Variants in HECTD4 observed in about 807,000 individuals in gnomAD.
HECTD4 encodes the protein probable E3 ubiquitin-protein ligase HECTD4.
Under a neutral mutation model 471.5 loss-of-function variants are expected in HECTD4, and 114 were observed. The ratio of observed to expected loss-of-function variants is 0.24; its 90% CI spans 0.21 to 0.28. The LOEUF (loss-of-function observed/expected upper bound fraction) is 0.28. HECTD4 is among the 10% of genes least tolerant of loss of function. HECTD4 has a pLI of 1.00. For synonymous variants in HECTD4, 2,012 were observed against 2,256.0 expected (o/e 0.89, Z 3.07); for missense variants, 3,866 against 5,651.5 (o/e 0.68, Z 10.13).
At chr12:112,165,690 G>A (rs1389753109) in intron 72 of HECTD4, among the ~76,000 whole-genome samples, 1 of 152,208 alleles carries the variant, frequency 6.6e-6, no homozygotes, top group Non-Finnish European at 1.5e-5. Context: ...TCTAAAGCTT[G>A]TTGGAGTTGG....
At chr12:112,249,766 G>A (rs1202922761) in intron 25 of HECTD4, 1 of 243,102 alleles carries the variant, frequency 4.1e-6, no homozygotes, top group East Asian at 1.1e-4. Flanking sequence ...GTAAAGTAGA[G>A]GCTGACTGCT....
chr12:112,352,774 T>C (rs1349637370), intron 1 of HECTD4, among the ~76,000 whole-genome samples: 2 of 151,810 alleles, frequency 1.3e-5, no homozygotes, highest in African/African-American at 2.4e-5. Context: ...GCCCAGCTAG[T>C]TTTTTGATTT....
intron 1 of HECTD4, among the ~76,000 whole-genome samples, chr12:112,369,327 A>T (rs1412120902): frequency 6.6e-6 from 1 of 151,236 alleles, no homozygotes; most frequent in Non-Finnish European, 1.5e-5. Context: ...CTTATTAAGC[A>T]AACCTAGGAT....
rs1256597672 is a variant in HECTD4 at position 112,239,995 on chromosome 12, T to C, written c.4991A>G (p.Glu1664Gly). 8 of 1,613,844 alleles carry C rather than the reference T, an allele frequency of 5.0e-6. No individual in the cohort carries two copies. Among genetic ancestry groups the C allele is most frequent in the African/African-American group, 2.7e-5 (2 of 74,920 alleles). ...IEELTCGGMV[E>G]QVQEAFGETM... Reference sequence around the variant, plus strand: ...CTCGCCAAAGGCTTCCTGGACCTGCTCGACCATCCCACCACATGTGAGTTC... The same window carrying C: ...CTCGCCAAAGGCTTCCTGGACCTGCCCGACCATCCCACCACATGTGAGTTC... The change falls in exon 33 of 76, where the codon GAG (glutamate) becomes GGG (glycine). Residue 1664 changes from glutamate (E) to glycine (G), a missense_variant. This residue lies in a region of HECTD4 where 229 missense variants were observed against 386.4 expected (regional missense o/e 0.59). Transcript: ENST00000682272. The surrounding 1 kb of genome is among the most constrained non-coding windows in gnomAD (Gnocchi z 4.9).
chr12:112,190,793 C>T lies in HECTD4; in HGVS notation c.9465G>A (p.Glu3155=), dbSNP rs1333284090. The T allele has an allele frequency of 6.3e-7, 1 of 1,581,136 alleles. No homozygotes were observed. The highest frequency in any genetic ancestry group is 1.8e-5 in the Admixed American group (1 of 56,018). Reference sequence around the variant, plus strand: ...CAGGGAAGGCAGCCTCACCTAGCAGCTCCACCACCTGCAGGAGGACGGATG... The same window carrying T: ...CAGGGAAGGCAGCCTCACCTAGCAGTTCCACCACCTGCAGGAGGACGGATG... ...IPTSVLLQVV[E]LLGNFLWTTD... is the part of the protein sequence containing the mutation. The change falls in exon 60 of 76, where the codon GAG becomes GAA. Residue 3155 remains glutamate, a synonymous_variant. Coordinates refer to ENST00000682272, the MANE Select transcript of HECTD4 (RefSeq NM_001388303.1).
intron 7 of HECTD4, among the ~76,000 whole-genome samples, chr12:112,301,691 C>G (rs998724156): frequency 1.3e-5 from 2 of 152,058 alleles, no homozygotes; most frequent in Non-Finnish European, 2.9e-5. Flanking sequence ...CCTGATAATT[C>G]CTTTTTGAGG....
chr12:112,259,705 G>A (rs576758063), intron 18 of HECTD4, among the ~76,000 whole-genome samples: 7 of 152,106 alleles, frequency 4.6e-5, no homozygotes, highest in Admixed American at 3.9e-4. Flanking sequence ...GCTACATGGT[G>A]CATTTCATAG....
intron 18 of HECTD4, 44 bp downstream of exon 18, chr12:112,261,261 C>T (rs559296896): frequency 6.7e-7 from 1 of 1,491,868 alleles, no homozygotes; most frequent in East Asian, 2.3e-5. Flanking sequence ...ACAAACTTTT[C>T]TTCCCACAGG....
chr12:112,163,618 A>G lies in HECTD4; in HGVS notation c.12821T>C (p.Leu4274Pro). Residue 4274 changes from leucine to proline, a missense_variant, in exon 74 of 76, where the codon CTG (leucine) becomes CCG (proline). Coordinates refer to ENST00000682272, the MANE Select transcript of HECTD4 (RefSeq NM_001388303.1). This position sits in a 1 kb window ranked among gnomAD's most constrained non-coding sequence, Gnocchi z 8.2. The stretch of plus-strand genomic sequence containing the variant: ...CTCCAGTGGGCTGAGCATGGTCAGC[A>G]GCTGCAGGGGGATGATGGAGCCCAG... ...AGLGSIIPLQLLTMLSPLEME... is the reference protein window; with the variant it reads ...AGLGSIIPLQPLTMLSPLEME... The G allele has an allele frequency of 6.5e-7, 1 of 1,539,882 alleles. No homozygotes were observed. Among genetic ancestry groups the G allele is most frequent in the Non-Finnish European group, 8.8e-7 (1 of 1,142,718 alleles).
At position 112,369,191 on chromosome 12, in the gene HECTD4, G is replaced by T. The variant is rs149978300; in HGVS notation, c.177+12761C>A. The stretch of plus-strand genomic sequence containing the variant: ...AGCCACAAGAGAGGTGCTCTGAAGT[G>T]AACTCATAAGAGCTGGATGGCACTG... On this transcript the variant is annotated intron_variant, in intron 1 of 75. Coordinates refer to ENST00000682272, the MANE Select transcript of HECTD4 (RefSeq NM_001388303.1). 2.9e-3 allele frequency among the ~76,000 whole-genome samples: 434 copies of T among 152,262 alleles called. 2 individuals are homozygous for T. Among genetic ancestry groups the T allele is most frequent in the Non-Finnish European group, 4.9e-3 (331 of 68,028 alleles).
chr12:112,162,376 G>T lies in HECTD4; in HGVS notation c.*11C>A. The T allele has an allele frequency of 6.2e-7, 1 of 1,613,876 alleles. No individual in the cohort carries two copies. Reference sequence around the variant, plus strand: ...GCCTCAGTGACAGCCTAATTCTGGGGCTCCCTCCCATCAGCCACTGAGGGG... The same window carrying T: ...GCCTCAGTGACAGCCTAATTCTGGGTCTCCCTCCCATCAGCCACTGAGGGG... On this transcript the variant is annotated 3_prime_UTR_variant, in exon 76 of 76. Transcript: ENST00000682272. This position sits in a 1 kb window ranked among gnomAD's most constrained non-coding sequence, Gnocchi z 5.2.
chr12:112,207,979 C>T lies in HECTD4; in HGVS notation c.8026G>A (p.Val2676Met). 6.2e-7 allele frequency: 1 copy of T among 1,613,568 alleles called. No homozygotes were observed. Among genetic ancestry groups the T allele is most frequent in the Non-Finnish European group, 8.5e-7 (1 of 1,179,734 alleles). ...AAAACCTTGGTCTCCCATGCTTTCA[C>T]CAGCAGGGCGTAGTGGTCCTCCTGG... The part of the protein sequence containing the change: ...IPQEDHYALL[V>M]KAWETKVFPT... Residue 2676 changes from valine to methionine, a missense_variant, in exon 52 of 76, where the codon GTG (valine) becomes ATG (methionine). By Grantham distance (21) the Val-to-Met change is conservative. Coordinates refer to ENST00000682272, the MANE Select transcript of HECTD4 (RefSeq NM_001388303.1).
At chr12:112,168,999 T>G (rs1457381233) in intron 70 of HECTD4, among the ~76,000 whole-genome samples, 8 of 152,216 alleles carry the variant, frequency 5.3e-5, no homozygotes, top group Non-Finnish European at 7.4e-5. Flanking sequence ...CCGGACAGCC[T>G]TTCCTTCCAG....
Position 112,235,006 on chromosome 12 carries a change from C to T in HECTD4, c.5915+71G>A. ...CGAGGCAGTCGATACATGTACAGGG[C>T]TTACTTAGCACAGTGCCTGTGACAT... is the stretch of plus-strand genomic sequence containing the variant. On this transcript the variant is annotated intron_variant, in intron 37 of 75. Transcript: ENST00000682272. The surrounding 1 kb of genome is among the most constrained non-coding windows in gnomAD (Gnocchi z 5.0). The T allele has an allele frequency of 7.1e-7, 1 of 1,403,150 alleles. No individual in the cohort carries two copies. Among genetic ancestry groups the T allele is most frequent in the Middle Eastern group, 2.5e-4 (1 of 4,064 alleles). 86.9% of individuals were successfully genotyped at this position (1,403,150 alleles called of 1,614,324 possible).
At chr12:112,275,369 T>G (rs2034504066) in intron 9 of HECTD4, among the ~76,000 whole-genome samples, 1 of 152,180 alleles carries the variant, frequency 6.6e-6, no homozygotes, top group Non-Finnish European at 1.5e-5. Flanking sequence ...AGCTGCAATC[T>G]TTCCTAATAC....
intron 8 of HECTD4, among the ~76,000 whole-genome samples, chr12:112,282,389 CAAAAACAAAAACA>C (rs1427115593): frequency 6.6e-6 from 1 of 150,992 alleles, no homozygotes; most frequent in Non-Finnish European, 1.5e-5. Context: ...TCTCAAAAAA[CAAAAACAAAAACA>C]AAAAACAACA....
At chr12:112,323,925 AGAGGTATTTTTTACT>A (rs2035637855) in intron 1 of HECTD4, among the ~76,000 whole-genome samples, 1 of 149,942 alleles carries the variant, frequency 6.7e-6, no homozygotes, top group Non-Finnish European at 1.5e-5. Context: ...AATAAAAATT[AGAGGTATTTTTTACT>A]GAGGTGCTTC....
intron 44 of HECTD4, among the ~76,000 whole-genome samples, chr12:112,221,618 T>C (rs1462682454): frequency 6.6e-6 from 1 of 152,146 alleles, no homozygotes; most frequent in African/African-American, 2.4e-5. Context: ...TATACTTGAC[T>C]CAGTATCTGG....
chr12:112,284,158 C>T (rs928209686), intron 7 of HECTD4, among the ~76,000 whole-genome samples: 2 of 152,140 alleles, frequency 1.3e-5, no homozygotes, highest in African/African-American at 2.4e-5. Flanking sequence ...CCACTTCTGC[C>T]TCAAGTCCTG....
Sources: gnomAD v4.1 joint callset for allele counts (sites outside exome capture counted in the v4.1 genomes callset) on GRCh38, gnomAD v4.1.1 for gene constraint, gnomAD v4.1.1 regional missense constraint, Gnocchi (gnomAD v3.1) non-coding constraint, MANE v1.5 for transcripts, NCBI Gene and HGNC (gene_info 2026-07-23, HGNC 2026-07-21) for gene names.